Variants in ATP2C1 observed in about 807,000 individuals in gnomAD.
The protein encoded by ATP2C1 is calcium-transporting ATPase type 2C member 1.
Under a neutral mutation model 120.5 loss-of-function variants are expected in ATP2C1, and 31 were observed. That is an observed-to-expected ratio of 0.26 (90% CI 0.19 to 0.35). The LOEUF (loss-of-function observed/expected upper bound fraction) is 0.35, where lower values mean the gene tolerates loss of function less well. ATP2C1 is among the 10% of genes least tolerant of loss of function. The probability of loss-of-function intolerance (pLI) is 1.00; values close to 1 mark genes in which losing one functional copy is unlikely to be tolerated. For missense variants in ATP2C1, 731 were observed against 1,107.5 expected, an observed-to-expected ratio of 0.66 and a Z score of 4.83; for synonymous variants, 351 against 358.7, an observed-to-expected ratio of 0.98 and a Z score of 0.24.
chr3:130,857,450 A>G (rs1248327832), intron 1 of ATP2C1, among the ~76,000 whole-genome samples: 1 of 152,086 alleles, frequency 6.6e-6, no homozygotes, highest in Non-Finnish European at 1.5e-5. Flanking sequence ...ACTCCATTCA[A>G]TTCTACCCCT....
chr3:130,931,222 C>T (rs2059435782), intron 3 of ATP2C1, among the ~76,000 whole-genome samples: 1 of 151,914 alleles, frequency 6.6e-6, no homozygotes, highest in East Asian at 1.9e-4. Flanking sequence ...CTTTATTGGA[C>T]TCTATTATAA....
At chr3:130,897,442 A>C (rs2069729746) in intron 2 of ATP2C1, among the ~76,000 whole-genome samples, 1 of 152,228 alleles carries the variant, frequency 6.6e-6, no homozygotes, top group Admixed American at 6.5e-5. Context: ...TGAGTAATAA[A>C]TGAAGCCGCC....
At chr3:130,978,296 T>G (rs559256851) in intron 18 of ATP2C1, among the ~76,000 whole-genome samples, 2 of 152,238 alleles carry the variant, frequency 1.3e-5, no homozygotes, top group African/African-American at 4.8e-5. Flanking sequence ...TGAGCATATG[T>G]AATCTTTCAT....
At position 130,932,074 on chromosome 3, in the gene ATP2C1, T is replaced by A. The variant is rs751864039; in HGVS notation, c.170T>A (p.Phe57Tyr). The A allele has an allele frequency of 3.0e-5, 48 of 1,613,102 alleles. No homozygotes were observed. The South Asian group carries it at 5.3e-4, about 18-fold the overall frequency. The change falls in exon 4 of 28, where the codon TTT becomes TAT. Residue 57 changes from phenylalanine to tyrosine, a missense_variant. By Grantham distance (22) the Phe-to-Tyr change is conservative (BLOSUM62 3). Coordinates refer to ENST00000510168, the MANE Select transcript of ATP2C1 (RefSeq NM_001378687.1). ...TGTGAAGTTAGTCATAGGCGAGCCTTTCATGGCTGGAATGAGTTTGATATT... is the reference window on the plus strand; with the variant it reads ...TGTGAAGTTAGTCATAGGCGAGCCTATCATGGCTGGAATGAGTTTGATATT... ...NKCEVSHRRA[F>Y]HGWNEFDISE...
At chr3:130,943,924 A>T (rs918630681) in intron 8 of ATP2C1, among the ~76,000 whole-genome samples, 1 of 152,314 alleles carries the variant, frequency 6.6e-6, no homozygotes, top group East Asian at 1.9e-4. Flanking sequence ...AAATTGGCTT[A>T]TTGGAGTTTT....
In ATP2C1 at chr3:130,963,964, G is replaced by A. The variant is rs1418690702; in HGVS notation, c.900-7G>A. 1 of 1,612,300 alleles carries A rather than the reference G, an allele frequency of 6.2e-7. No homozygotes were observed. The highest frequency in any genetic ancestry group is 1.1e-5 in the South Asian group (1 of 91,050). On this transcript the variant is annotated splice_polypyrimidine_tract_variant and splice_region_variant and intron_variant, in intron 12 of 27. Coordinates refer to ENST00000510168, the MANE Select transcript of ATP2C1 (RefSeq NM_001378687.1). The stretch of plus-strand genomic sequence containing the variant: ...ACATTTTAATACTTTGTATATGTTG[G>A]TTATAGTTTGGCTGTAGCAGCAATT...
At chr3:130,974,004 C>T (rs761559615) in intron 17 of ATP2C1, among the ~76,000 whole-genome samples, 2 of 152,088 alleles carry the variant, frequency 1.3e-5, no homozygotes, top group Non-Finnish European at 2.9e-5. Flanking sequence ...ACCAGTGGTA[C>T]AGCAGGCCTA....
chr3:130,865,225 T>C (rs1329542889), intron 1 of ATP2C1, among the ~76,000 whole-genome samples: 3 of 152,188 alleles, frequency 2.0e-5, no homozygotes, highest in African/African-American at 4.8e-5. Context: ...TTTGGACTTG[T>C]ATGGGCCTCG....
At chr3:131,015,185 G>C (rs761132309) in intron 26 of ATP2C1, 1 of 701,602 alleles carries the variant, frequency 1.4e-6, no homozygotes, top group South Asian at 1.5e-5. Flanking sequence ...TTTTTACCTT[G>C]AAACATGTAA....
rs114479182 is a variant in ATP2C1 at position 130,999,740 on chromosome 3, C to A, written c.2629+81C>A. 6.1e-5 allele frequency: 81 copies of A among 1,329,982 alleles called. 1 individual carries two copies. The African/African-American group carries it at 9.2e-4, about 15-fold the overall frequency. 82.4% of individuals were successfully genotyped at this position (1,329,982 alleles called of 1,614,324 possible). A position where few individuals can be genotyped will look rare whatever the true frequency, so the allele number is the denominator to read the frequency against. On this transcript the variant is annotated intron_variant, in intron 27 of 27. Coordinates refer to ENST00000510168, the MANE Select transcript of ATP2C1 (RefSeq NM_001378687.1). The stretch of plus-strand genomic sequence containing the variant: ...ATGTGTTTGTTTTAATTTTAAAATT[C>A]TTTTAAAATAGCAAAATAAGTAACT...
chr3:130,884,963 TGCTCTTGTCGCCC>T (rs2068921450), intron 1 of ATP2C1, among the ~76,000 whole-genome samples: 1 of 149,648 alleles, frequency 6.7e-6, no homozygotes, highest in Non-Finnish European at 1.5e-5. Context: ...GACGGAGTCT[TGCTCTTGTCGCCC>T]AGGCTGGAGT....
rs1398462996 is a variant in ATP2C1 at position 130,979,264 on chromosome 3, C to G, written c.1586C>G (p.Ser529Cys). Reference sequence around the variant, plus strand: ...ATTTCCTAAGTTCTTGCTTTGGCTTCTGGTCCTGAACTGGGACAGCTGACA... The same window carrying G: ...ATTTCCTAAGTTCTTGCTTTGGCTTGTGGTCCTGAACTGGGACAGCTGACA... Reference protein sequence around the residue: ...SAGLRVLALASGPELGQLTFL... With the variant: ...SAGLRVLALACGPELGQLTFL... Residue 529 changes from serine (S) to cysteine (C), a missense_variant, in exon 19 of 28, where the codon TCT (serine) becomes TGT (cysteine). Ser to Cys is a moderately radical substitution (Grantham distance 112). Transcript: ENST00000510168. 1 of 1,613,404 alleles carries G rather than the reference C, an allele frequency of 6.2e-7. No homozygotes were observed. The highest frequency in any genetic ancestry group is 2.2e-5 in the East Asian group (1 of 44,856).
At chr3:130,877,584 A>G (rs1000113694) in intron 1 of ATP2C1, among the ~76,000 whole-genome samples, 4 of 151,884 alleles carry the variant, frequency 2.6e-5, no homozygotes, top group South Asian at 4.2e-4. Context: ...CAAAACCACA[A>G]TGAGATACCA....
intron 1 of ATP2C1, among the ~76,000 whole-genome samples, chr3:130,862,383 G>T (rs2068044909): frequency 1.3e-5 from 2 of 151,286 alleles, no homozygotes; most frequent in African/African-American, 4.9e-5. Flanking sequence ...GTTTCAGCAT[G>T]TTGGCCAGCG....
chr3:130,996,153 A>C, intron 23 of ATP2C1, 42 bp downstream of exon 23: 1 of 1,369,206 alleles, frequency 7.3e-7, no homozygotes, highest in South Asian at 1.2e-5. Context: ...CTTCTGGATA[A>C]ATTATATGAA....
intron 26 of ATP2C1, among the ~76,000 whole-genome samples, chr3:131,012,537 T>C (rs1311312777): frequency 6.6e-6 from 1 of 152,106 alleles, no homozygotes; most frequent in Middle Eastern, 3.2e-3. Context: ...GGATTACAGG[T>C]GTGAGCCACT....
At chr3:130,932,394 G>A (rs1237989369) in intron 4 of ATP2C1, among the ~76,000 whole-genome samples, 1 of 152,034 alleles carries the variant, frequency 6.6e-6, no homozygotes, top group Non-Finnish European at 1.5e-5. Flanking sequence ...AGTGTCCTTT[G>A]CTGATATCAA....
exon 1 of ATP2C1, chr3:130,850,673 A>G (rs1423941989): frequency 2.2e-6 from 1 of 452,676 alleles, no homozygotes; most frequent in Non-Finnish European, 3.9e-6. Context: ...AAAAGAGGAA[A>G]CAGCAAGGAG....
At chr3:130,864,702 C>T (rs540632341) in intron 1 of ATP2C1, among the ~76,000 whole-genome samples, 1 of 152,338 alleles carries the variant, frequency 6.6e-6, no homozygotes, top group East Asian at 1.9e-4. Flanking sequence ...GCTATGGCTT[C>T]AGAGGGTGGA....
Sources: gnomAD v4.1 joint callset for allele counts (sites outside exome capture counted in the v4.1 genomes callset) on GRCh38, gnomAD v4.1.1 for gene constraint, MANE v1.5 for transcripts, NCBI Gene and HGNC (gene_info 2026-07-23, HGNC 2026-07-21) for gene names.